The following ANKRD30B variants were observed in gnomAD, a reference collection of about 807,000 sequenced individuals.
ANKRD30B encodes the protein ankyrin repeat domain-containing protein 30B.
Under a neutral mutation model 202.2 loss-of-function variants are expected in ANKRD30B, and 144 were observed. The ratio of observed to expected loss-of-function variants is 0.71; its 90% confidence interval spans 0.62 to 0.82. The LOEUF (loss-of-function observed/expected upper bound fraction) is 0.82, where lower values mean the gene tolerates loss of function less well. Among genes scored for constraint, ANKRD30B ranks in the 40% least tolerant of loss-of-function variants. The pLI is 0.00. For synonymous variants in ANKRD30B, 508 were observed against 561.3 expected (o/e 0.91, Z 1.34); for missense variants, 1,487 against 1,669.1 (o/e 0.89, Z 1.90).
At chr18:14,808,776 A>G (rs1568034772) in intron 26 of ANKRD30B, 32 bp downstream of exon 26, 3 of 1,412,826 alleles carry the variant, frequency 2.1e-6, no homozygotes, top group Non-Finnish European at 2.9e-6. Context: ...TTAATCTGGA[A>G]TTAAGAATAT....
the ANKRD30B span, among the ~76,000 whole-genome samples, chr18:14,937,099 G>A: frequency 6.6e-6 from 1 of 152,212 alleles, no homozygotes; most frequent in Non-Finnish European, 1.5e-5. Flanking sequence ...CTGGTCATGA[G>A]CCTCATGTCA....
rs779627053 is a variant in ANKRD30B, at chr18:14,791,471, C to A, written c.1805C>A (p.Thr602Asn). 6.2e-6 allele frequency: 10 copies of A among 1,608,908 alleles called. No homozygotes were observed. The highest frequency in any genetic ancestry group is 6.8e-6 in the Non-Finnish European group (8 of 1,178,118). The change falls in exon 16 of 44, where the codon ACC becomes AAC. Residue 602 changes from threonine (T) to asparagine (N), a missense_variant. Transcript: ENST00000690538. ...GCTACACATCAAAAAGAATTCGATA[C>A]CTTAAGTGGAAAATTAGAAGGTAAG... ...PKATHQKEFD[T>N]LSGKLEESPV...
At chr18:14,777,908 G>T in intron 9 of ANKRD30B, 77 bp from the exon 10 acceptor site, 1 of 1,006,490 alleles carries the variant, frequency 9.9e-7, no homozygotes, top group African/African-American at 1.6e-5. Context: ...ACACCACTGA[G>T]CCACCCTGTG....
chr18:14,763,787 C>A lies in ANKRD30B; in HGVS notation c.922C>A (p.Arg308Ser), dbSNP rs760939525. 1.9e-6 allele frequency: 3 copies of A among 1,613,836 alleles called. No individual in the cohort carries two copies. The highest frequency in any genetic ancestry group is 1.3e-5 in the African/African-American group (1 of 74,882). ...LLEKTPDEAA[R>S]LVEGTSAKIQ... ...GGAAAAAACACCTGACGAGGCTGCA[C>A]GCTTGGTGGAGGGAACGTCTGCCAA... Residue 308 changes from arginine to serine, a missense_variant, in exon 7 of 44, where the codon CGC becomes AGC. Arg to Ser is a moderately radical substitution (Grantham distance 110, BLOSUM62 -1). Transcript: ENST00000690538.
chr18:14,799,013 A>C (rs1374529189), intron 20 of ANKRD30B, 88 bp from the exon 21 acceptor site: 4 of 1,260,694 alleles, frequency 3.2e-6, no homozygotes, highest in Non-Finnish European at 3.5e-6. Context: ...CATCATGAGG[A>C]TTCGTCTTCA....
At chr18:14,884,416 G>A in the ANKRD30B span, among the ~76,000 whole-genome samples, 1 of 152,074 alleles carries the variant, frequency 6.6e-6, no homozygotes, top group African/African-American at 2.4e-5. Flanking sequence ...CCAGGCTCAT[G>A]AGCCACATAA....
At chr18:14,874,861 T>C in the ANKRD30B span, among the ~76,000 whole-genome samples, 148,207 of 152,286 alleles carry the variant, frequency 0.97, 72,261 homozygotes, top group Middle Eastern at 1. Flanking sequence ...TTTCAAACTT[T>C]TTGTTGTTTG....
intron 30 of ANKRD30B, among the ~76,000 whole-genome samples, chr18:14,819,938 G>A (rs28876743): frequency 1.1e-4 from 16 of 152,098 alleles, no homozygotes; most frequent in African/African-American, 3.9e-4. Context: ...CATTGAATCT[G>A]TAAATAACCT....
chr18:14,893,404 A>G, the ANKRD30B span, among the ~76,000 whole-genome samples: 2 of 152,192 alleles, frequency 1.3e-5, no homozygotes, highest in Non-Finnish European at 2.9e-5. Context: ...TGAGGTCAGG[A>G]GTTCAAGACC....
At chr18:14,829,822 C>A (rs1334174014) in intron 33 of ANKRD30B, among the ~76,000 whole-genome samples, 4 of 152,282 alleles carry the variant, frequency 2.6e-5, no homozygotes, top group Admixed American at 2.6e-4. Context: ...TGTTCTTTCA[C>A]CCCAAATCTC....
the ANKRD30B span, among the ~76,000 whole-genome samples, chr18:14,902,157 A>G: frequency 6.6e-6 from 1 of 152,168 alleles, no homozygotes; most frequent in African/African-American, 2.4e-5. Flanking sequence ...CCATGATTCA[A>G]ATTATTTCCA....
intron 32 of ANKRD30B, among the ~76,000 whole-genome samples, chr18:14,826,192 A>G (rs1391960051): frequency 6.6e-6 from 1 of 152,184 alleles, no homozygotes; most frequent in Non-Finnish European, 1.5e-5. Flanking sequence ...ATAAGAAGAA[A>G]GCCATTGACA....
chr18:14,860,840 G>T, the ANKRD30B span, among the ~76,000 whole-genome samples: 1 of 151,998 alleles, frequency 6.6e-6, no homozygotes, highest in Non-Finnish European at 1.5e-5. Flanking sequence ...CAGTAGCTGG[G>T]ATTGCAGGTG....
intron 32 of ANKRD30B, among the ~76,000 whole-genome samples, chr18:14,826,712 C>CACACACACACAT (rs1970683636): frequency 6.6e-6 from 1 of 151,392 alleles, no homozygotes; most frequent in Non-Finnish European, 1.5e-5. Context: ...CACACACACA[C>CACACACACACAT]ACACACACAC....
intron 9 of ANKRD30B, among the ~76,000 whole-genome samples, chr18:14,775,282 G>A (rs1967288165): frequency 6.6e-6 from 1 of 152,180 alleles, no homozygotes; most frequent in South Asian, 2.1e-4. Flanking sequence ...AAGAAAATAA[G>A]GCTTAGAAGG....
intron 1 of ANKRD30B, among the ~76,000 whole-genome samples, chr18:14,749,472 G>T (rs936004244): frequency 6.6e-6 from 1 of 151,982 alleles, no homozygotes; most frequent in African/African-American, 2.4e-5. Context: ...AGGAGTTCAA[G>T]ACCAGCCTGG....
the ANKRD30B span, among the ~76,000 whole-genome samples, chr18:14,898,248 T>C: frequency 6.6e-6 from 1 of 152,060 alleles, no homozygotes; most frequent in African/African-American, 2.4e-5. Context: ...AATTCTGGGG[T>C]ATGGTGTGAG....
rs1377077686 is a variant in ANKRD30B at position 14,805,415 on chromosome 18, C to G, written c.2284+1591C>G. Among the ~76,000 whole-genome samples, 4 of 150,944 alleles carry G rather than the reference C, an allele frequency of 2.6e-5. 1 individual carries two copies. The highest frequency in any genetic ancestry group is 6.6e-5 in the Admixed American group (1 of 15,198). ...GCTGTTCCTGATGAGGTTTGTACAT[C>G]TTCCTCCATCAGTGGATCAAGAAAT... On this transcript the variant is annotated intron_variant, in intron 24 of 43. Coordinates refer to ENST00000690538, the MANE Select transcript of ANKRD30B (RefSeq NM_001367607.2).
chr18:14,850,920 T>C (rs540696312), intron 41 of ANKRD30B, among the ~76,000 whole-genome samples: 6 of 152,026 alleles, frequency 3.9e-5, no homozygotes, highest in Non-Finnish European at 7.4e-5. Flanking sequence ...CTTGATTATA[T>C]TTTTAATCTT....
Sources: gnomAD v4.1 joint callset for allele counts (sites outside exome capture counted in the v4.1 genomes callset) on GRCh38, gnomAD v4.1.1 for gene constraint, MANE v1.5 for transcripts, NCBI Gene and HGNC (gene_info 2026-07-23, HGNC 2026-07-21) for gene names.